The following ATP10A variants were observed in gnomAD, a reference collection of about 807,000 sequenced individuals.
The protein encoded by ATP10A is phospholipid-transporting ATPase VA.
A neutral mutation model predicts 147.8 loss-of-function variants in ATP10A; 111 were observed. That is an observed-to-expected ratio of 0.75 (90% CI 0.64 to 0.88). The LOEUF is 0.88. Among genes scored for constraint, ATP10A ranks in the 40% least tolerant of loss-of-function variants. The pLI is 0.00. For missense variants in ATP10A, 1,927 were observed against 1,959.0 expected (o/e 0.98, Z 0.31); for synonymous variants, 875 against 841.6 (o/e 1.04, Z -0.69).
At chr15:25,807,025 C>A (rs1372231629) in intron 1 of ATP10A, among the ~76,000 whole-genome samples, 1 of 152,204 alleles carries the variant, frequency 6.6e-6, no homozygotes, top group East Asian at 1.9e-4. Flanking sequence ...GAGGGGCATC[C>A]ACCGGGCTGG....
intron 1 of ATP10A, among the ~76,000 whole-genome samples, chr15:25,812,348 A>G (rs1313843490): frequency 6.6e-6 from 1 of 152,194 alleles, no homozygotes; most frequent in Non-Finnish European, 1.5e-5. Flanking sequence ...ACAAAGCTCT[A>G]TTTGTTTCTA....
chr15:25,855,493 A>G (rs1223134102), intron 1 of ATP10A, among the ~76,000 whole-genome samples: 1 of 151,824 alleles, frequency 6.6e-6, no homozygotes, highest in Non-Finnish European at 1.5e-5. Context: ...TCAACCTGAT[A>G]AAGAGCATCT....
chr15:25,804,175 T>G (rs772368189), intron 1 of ATP10A, among the ~76,000 whole-genome samples: 27 of 150,930 alleles, frequency 1.8e-4, no homozygotes, highest in South Asian at 1.5e-3. Context: ...GTTTGTGATG[T>G]GAGGCTGTGT....
rs79340929 is a variant in ATP10A, at chr15:25,812,889, A to C, written c.450-31666T>G. ...AGGATTTACTCTTCTGCATCAAATAAGTAAGAAATGCATGTTAAGAAATGA... is the reference window on the plus strand; with the variant it reads ...AGGATTTACTCTTCTGCATCAAATACGTAAGAAATGCATGTTAAGAAATGA... On this transcript the variant is annotated intron_variant, in intron 1 of 20. Transcript: ENST00000555815. Among the ~76,000 whole-genome samples, 285 of 152,356 alleles carry C rather than the reference A, an allele frequency of 1.9e-3. 1 individual carries two copies. The highest frequency in any genetic ancestry group is 6.7e-3 in the African/African-American group (279 of 41,580).
At position 25,686,866 on chromosome 15, in the gene ATP10A, G is replaced by A. The variant is rs1257774559; in HGVS notation, c.3291+837C>T. The stretch of plus-strand genomic sequence containing the variant: ...GCCAAAGAAGCAGTGAAGAAGGAAC[G>A]AAGAGTCCAACGTGAAGATCCACAT... On this transcript the variant is annotated intron_variant, in intron 16 of 20. Transcript: ENST00000555815. Among the ~76,000 whole-genome samples, 2 of 108,360 alleles carry A rather than the reference G, an allele frequency of 1.8e-5. 1 individual carries two copies. The highest frequency in any genetic ancestry group is 3.3e-5 in the Non-Finnish European group (2 of 59,914). 71.1% of individuals were successfully genotyped at this position (108,360 alleles called of 152,430 possible).
Position 25,714,279 on chromosome 15 carries a change from G to C in ATP10A, c.1777-38C>G, listed in dbSNP as rs187277128. On this transcript the variant is annotated intron_variant, in intron 9 of 20. Transcript: ENST00000555815. ...TGGTCAGAAGGCAGGTGAGGGAACT[G>C]CTATGTCCCCCAGAGGCCCCACCCT... 5.7e-5 allele frequency: 91 copies of C among 1,584,376 alleles called. No homozygotes were observed. In the East Asian group the frequency reaches 1.8e-3, roughly 32 times the overall value.
At chr15:25,715,553 A>G (rs1178648565) in intron 9 of ATP10A, among the ~76,000 whole-genome samples, 2 of 152,270 alleles carry the variant, frequency 1.3e-5, no homozygotes, top group African/African-American at 4.8e-5. Flanking sequence ...ATACACCAGA[A>G]GGGTTTTTAA....
chr15:25,770,508 A>C (rs1889280157), intron 2 of ATP10A, among the ~76,000 whole-genome samples: 1 of 152,112 alleles, frequency 6.6e-6, no homozygotes, highest in Admixed American at 6.5e-5. Flanking sequence ...GAACTAAATG[A>C]ATGAGGGCCT....
intron 2 of ATP10A, among the ~76,000 whole-genome samples, chr15:25,775,742 A>G (rs2140682762): frequency 6.6e-6 from 1 of 152,336 alleles, no homozygotes; most frequent in African/African-American, 2.4e-5. Context: ...CCAAGAGACA[A>G]ACTGTTGGAA....
At chr15:25,810,972 T>C (rs372592165) in intron 1 of ATP10A, among the ~76,000 whole-genome samples, 39 of 152,278 alleles carry the variant, frequency 2.6e-4, no homozygotes, top group African/African-American at 8.7e-4. Flanking sequence ...TAGCTTTACA[T>C]ATAATGAAGC....
chr15:25,698,195 C>CTAAA (rs1181832875), intron 13 of ATP10A, among the ~76,000 whole-genome samples: 1 of 152,050 alleles, frequency 6.6e-6, no homozygotes, highest in African/African-American at 2.4e-5. Context: ...ATGTACTAGG[C>CTAAA]TAATGTAAGA....
intron 2 of ATP10A, among the ~76,000 whole-genome samples, chr15:25,772,135 G>C (rs1479257593): frequency 6.6e-6 from 1 of 152,130 alleles, no homozygotes; most frequent in Non-Finnish European, 1.5e-5. Flanking sequence ...TCAATTGATT[G>C]ATACTTCTGC....
At chr15:25,781,768 A>G in intron 1 of ATP10A, among the ~76,000 whole-genome samples, 1 of 152,246 alleles carries the variant, frequency 6.6e-6, no homozygotes, top group African/African-American at 2.4e-5. Flanking sequence ...TTGAACAAGC[A>G]AATGCATAGA....
intron 2 of ATP10A, among the ~76,000 whole-genome samples, chr15:25,750,335 C>A (rs1159653381): frequency 6.6e-6 from 1 of 151,684 alleles, no homozygotes; most frequent in Non-Finnish European, 1.5e-5. Context: ...AATTCTATAC[C>A]CAGTAAAGAT....
At chr15:25,699,789 G>A (rs1900561936) in intron 13 of ATP10A, among the ~76,000 whole-genome samples, 1 of 152,116 alleles carries the variant, frequency 6.6e-6, no homozygotes, top group Admixed American at 6.6e-5. Context: ...GATCCCTTGA[G>A]CCTGGGAGGT....
chr15:25,796,312 G>A (rs1890667368), intron 1 of ATP10A, among the ~76,000 whole-genome samples: 1 of 152,134 alleles, frequency 6.6e-6, no homozygotes, highest in Non-Finnish European at 1.5e-5. Flanking sequence ...GGCTGAGGCA[G>A]GAGGATTGCT....
At chr15:25,802,965 A>G (rs1318504768) in intron 1 of ATP10A, among the ~76,000 whole-genome samples, 3 of 152,322 alleles carry the variant, frequency 2.0e-5, no homozygotes, top group African/African-American at 7.2e-5. Context: ...TGCATTTTAC[A>G]TATGAGGGTG....
intron 2 of ATP10A, among the ~76,000 whole-genome samples, chr15:25,754,484 C>T (rs896779990): frequency 1.3e-5 from 2 of 152,056 alleles, no homozygotes; most frequent in African/African-American, 4.8e-5. Context: ...TGCAGGAGGG[C>T]GTGAACTCCA....
intron 1 of ATP10A, among the ~76,000 whole-genome samples, chr15:25,822,221 T>C (rs1891922371): frequency 1.3e-5 from 2 of 152,206 alleles, no homozygotes; most frequent in Admixed American, 1.3e-4. Flanking sequence ...TACTTTTAGA[T>C]CTGAATCCAG....
Sources: gnomAD v4.1 joint callset for allele counts (sites outside exome capture counted in the v4.1 genomes callset) on GRCh38, gnomAD v4.1.1 for gene constraint, MANE v1.5 for transcripts, NCBI Gene and HGNC (gene_info 2026-07-23, HGNC 2026-07-21) for gene names.